ZNF710: variants seen among roughly 807,000 people sequenced by gnomAD.
ZNF710 encodes zinc finger protein 710.
ZNF710 carries 13 observed loss-of-function variants against 50.6 expected under a neutral mutation model. The ratio of observed to expected loss-of-function variants is 0.26; its 90% CI spans 0.17 to 0.41. The LOEUF (loss-of-function observed/expected upper bound fraction) is 0.41, where lower values mean the gene tolerates loss of function less well. Among genes scored for constraint, ZNF710 ranks in the 10% least tolerant of loss-of-function variants. The pLI, the probability that ZNF710 is intolerant of heterozygous loss-of-function variation, is 1.00. For missense variants in ZNF710, 721 were observed against 936.6 expected (o/e 0.77, Z 3.01); for synonymous variants, 383 against 397.0 (o/e 0.96, Z 0.42).
chr15:90,078,447 A>G (rs999523394), intron 4 of ZNF710, among the ~76,000 whole-genome samples: 4 of 152,170 alleles, frequency 2.6e-5, no homozygotes, highest in African/African-American at 7.2e-5. Flanking sequence ...TCTGACACCA[A>G]TGAGAAGGTG....
intron 1 of ZNF710, among the ~76,000 whole-genome samples, chr15:90,004,964 T>G (rs1898103081): frequency 6.6e-6 from 1 of 152,240 alleles, no homozygotes. Context: ...AGAAGCAGTT[T>G]AGTCATCGGG....
intron 1 of ZNF710, among the ~76,000 whole-genome samples, chr15:90,014,857 C>G (rs1898407927): frequency 6.6e-6 from 1 of 151,344 alleles, no homozygotes; most frequent in Non-Finnish European, 1.5e-5. Context: ...TAAAGAGTTC[C>G]TACAAGTCAT....
intron 1 of ZNF710, among the ~76,000 whole-genome samples, chr15:90,050,303 C>T (rs1021737695): frequency 2.0e-5 from 3 of 152,242 alleles, no homozygotes; most frequent in African/African-American, 7.2e-5. Context: ...AGTCATAACA[C>T]TGCCATGAGA....
chr15:90,028,011 C>T (rs951756801), intron 1 of ZNF710, among the ~76,000 whole-genome samples: 6 of 152,088 alleles, frequency 3.9e-5, no homozygotes, highest in African/African-American at 1.2e-4. Context: ...TTTGTTGACT[C>T]TATTGAATTA....
chr15:90,036,819 C>G (rs1899141868), intron 1 of ZNF710, among the ~76,000 whole-genome samples: 1 of 152,160 alleles, frequency 6.6e-6, no homozygotes, highest in Non-Finnish European at 1.5e-5. Context: ...AGAATGGCAT[C>G]CAGACATGGC....
At chr15:90,055,573 G>A (rs1461072551) in intron 1 of ZNF710, among the ~76,000 whole-genome samples, 1 of 152,186 alleles carries the variant, frequency 6.6e-6, no homozygotes, top group Non-Finnish European at 1.5e-5. Context: ...ACAAGCATAA[G>A]GCTTGCTTCA....
rs1899782385 is a variant in ZNF710, at chr15:90,055,441, C to T, written c.-28-11669C>T. ...GGACAGCAGCACGTTGTGGACTTGT[C>T]ATGGAGGCAGGGACCAACCAGACAA... On this transcript the variant is annotated intron_variant, in intron 1 of 4. Coordinates refer to ENST00000268154, the MANE Select transcript of ZNF710 (RefSeq NM_198526.4). Among the ~76,000 whole-genome samples the T allele has an allele frequency of 2.0e-5, 3 of 152,288 alleles. No individual in the cohort carries two copies. In the South Asian group the frequency reaches 6.2e-4, roughly 32 times the overall value.
intron 1 of ZNF710, among the ~76,000 whole-genome samples, chr15:90,049,913 T>C (rs1196548239): frequency 6.6e-6 from 1 of 152,194 alleles, no homozygotes; most frequent in East Asian, 1.9e-4. Context: ...CAGGGTCCAG[T>C]GTGGGTACCC....
At chr15:90,008,439 T>TATAC (rs1898200991) in intron 1 of ZNF710, among the ~76,000 whole-genome samples, 4 of 140,134 alleles carry the variant, frequency 2.9e-5, no homozygotes, top group African/African-American at 1.2e-4. Flanking sequence ...TATATATATA[T>TATAC]ACATATATAT....
Position 90,001,538 on chromosome 15 carries a change from G to A in ZNF710, c.-105G>A, listed in dbSNP as rs982386313. ...GGCGCACAGCAGCAGCCCGGGCGGTGGGCAGCCAGGAGCCCCCGGCCCGGC... is the reference window on the plus strand; with the variant it reads ...GGCGCACAGCAGCAGCCCGGGCGGTAGGCAGCCAGGAGCCCCCGGCCCGGC... On this transcript the variant is annotated 5_prime_UTR_variant, in exon 1 of 5. Coordinates refer to ENST00000268154, the MANE Select transcript of ZNF710 (RefSeq NM_198526.4). The A allele has an allele frequency of 2.7e-5, 4 of 147,342 alleles. No homozygotes were observed. The highest frequency in any genetic ancestry group is 3.5e-3 in the Middle Eastern group (1 of 286). The allele number at this position is 147,342 out of a possible 1,614,324, so 9.1% of individuals were successfully genotyped here. A position where few individuals can be genotyped will look rare whatever the true frequency, so the allele number is the denominator to read the frequency against.
intron 1 of ZNF710, among the ~76,000 whole-genome samples, chr15:90,058,728 T>TATATATATATATATGTACATGTAC (rs1555458604): frequency 1.8e-4 from 27 of 145,986 alleles, no homozygotes; most frequent in African/African-American, 6.9e-4. Flanking sequence ...TACACACATA[T>TATATATATATATATGTACATGTAC]ACACACACAC....
intron 1 of ZNF710, among the ~76,000 whole-genome samples, chr15:90,031,278 C>G (rs1898940413): frequency 6.6e-6 from 1 of 152,164 alleles, no homozygotes; most frequent in South Asian, 2.1e-4. Flanking sequence ...AATATAGTGA[C>G]TAATCATAGA....
intron 4 of ZNF710, among the ~76,000 whole-genome samples, chr15:90,077,686 G>A (rs952928728): frequency 1.1e-4 from 16 of 152,188 alleles, no homozygotes; most frequent in African/African-American, 3.9e-4. Context: ...GACTCACAGT[G>A]GGTTAGATGC....
At chr15:90,079,190 G>T (rs575315386) in intron 4 of ZNF710, among the ~76,000 whole-genome samples, 6 of 152,320 alleles carry the variant, frequency 3.9e-5, no homozygotes, top group South Asian at 2.1e-4. Flanking sequence ...TCAGCCTTCT[G>T]AGCTGCTAAA....
At chr15:90,021,504 C>T (rs1466050846) in intron 1 of ZNF710, among the ~76,000 whole-genome samples, 1 of 152,234 alleles carries the variant, frequency 6.6e-6, no homozygotes, top group African/African-American at 2.4e-5. Flanking sequence ...GACAGGCCTG[C>T]ACCATCCTGA....
chr15:90,034,873 T>C lies in ZNF710; in HGVS notation c.-28-32237T>C, dbSNP rs1357994445. On this transcript the variant is annotated intron_variant, in intron 1 of 4. Coordinates refer to ENST00000268154, the MANE Select transcript of ZNF710 (RefSeq NM_198526.4). This position sits in a 1 kb window ranked among gnomAD's most constrained non-coding sequence, Gnocchi z 4.0. ...TCGGGCTGAAGAGATTTGGATCTTC[T>C]GAGTTGCAAGCTCCCAGAAACGATG... Among the ~76,000 whole-genome samples the C allele has an allele frequency of 6.6e-6, 1 of 152,206 alleles. No individual in the cohort carries two copies. The highest frequency in any genetic ancestry group is 1.5e-5 in the Non-Finnish European group (1 of 68,022).
chr15:90,024,055 G>C (rs2135658), intron 1 of ZNF710, among the ~76,000 whole-genome samples: 81,160 of 151,716 alleles, frequency 0.53, 22,441 homozygotes, highest in Non-Finnish European at 0.58. Flanking sequence ...GAGTAGGGAG[G>C]GGGCAAGGAC....
chr15:90,063,263 G>A (rs929751367), intron 1 of ZNF710, among the ~76,000 whole-genome samples: 1 of 152,136 alleles, frequency 6.6e-6, no homozygotes. Context: ...GGGGCCACAC[G>A]GGCCTGGCTG....
chr15:90,058,719 A>G (rs1284870958), intron 1 of ZNF710, among the ~76,000 whole-genome samples: 16 of 136,522 alleles, frequency 1.2e-4, no homozygotes, highest in African/African-American at 5.5e-4. Flanking sequence ...ATATATATAT[A>G]CACACATATA....
Sources: gnomAD v4.1 joint callset for allele counts (sites outside exome capture counted in the v4.1 genomes callset) on GRCh38, gnomAD v4.1.1 for gene constraint, Gnocchi (gnomAD v3.1) non-coding constraint, MANE v1.5 for transcripts, NCBI Gene and HGNC (gene_info 2026-07-23, HGNC 2026-07-21) for gene names.